Variants in ZNF385D observed in about 807,000 individuals in gnomAD.
ZNF385D encodes zinc finger protein 659.
In ZNF385D, 15 loss-of-function variants were observed where a neutral mutation model predicts 35.8. The ratio of observed to expected loss-of-function variants is 0.42; its 90% CI spans 0.28 to 0.64. The LOEUF is 0.64. Ranked by LOEUF, ZNF385D falls within the 30% of genes least tolerant of loss-of-function variation. The probability of loss-of-function intolerance (pLI) is 0.23; values close to 1 mark genes in which losing one functional copy is unlikely to be tolerated. For missense variants in ZNF385D, 474 were observed against 494.6 expected (o/e 0.96, Z 0.39); for synonymous variants, 212 against 186.8 (o/e 1.13, Z -1.10).
intron 2 of ZNF385D, among the ~76,000 whole-genome samples, chr3:22,336,917 A>AAAAAAAAAAAAAT (rs1695189299): frequency 7.3e-6 from 1 of 137,266 alleles, no homozygotes; most frequent in African/African-American, 2.9e-5. Flanking sequence ...TTCAAAAAAA[A>AAAAAAAAAAAAAT]AAAAAAAAAA....
intron 3 of ZNF385D, among the ~76,000 whole-genome samples, chr3:22,040,455 T>C (rs1698594538): frequency 6.6e-6 from 1 of 152,162 alleles, no homozygotes; most frequent in Non-Finnish European, 1.5e-5. Flanking sequence ...CCCAGCAATG[T>C]GACTCCAAAG....
intron 3 of ZNF385D, among the ~76,000 whole-genome samples, chr3:22,114,265 G>A (rs866803122): frequency 6.6e-6 from 1 of 151,938 alleles, no homozygotes; most frequent in Non-Finnish European, 1.5e-5. Flanking sequence ...TTATATTGGT[G>A]AAATATAAAT....
rs73820665 is a variant in ZNF385D at position 21,961,906 on chromosome 3, T to C, written c.325+206911A>G. Among the ~76,000 whole-genome samples the C allele has an allele frequency of 1.2e-3, 190 of 152,152 alleles. 1 individual carries two copies. The highest frequency in any genetic ancestry group is 4.2e-3 in the African/African-American group (173 of 41,522). Reference sequence around the variant, plus strand: ...ATGAGAAATTGAAAGAAAACTGTTATGACTAAAAGGAAAAGAATTAAGGAG... The same window carrying C: ...ATGAGAAATTGAAAGAAAACTGTTACGACTAAAAGGAAAAGAATTAAGGAG... On this transcript the variant is annotated intron_variant, in intron 3 of 5. Coordinates refer to the ZNF385D transcript ENST00000494108.
At chr3:21,811,256 T>C (rs1324334244) in intron 3 of ZNF385D, among the ~76,000 whole-genome samples, 1 of 152,102 alleles carries the variant, frequency 6.6e-6, no homozygotes, top group Non-Finnish European at 1.5e-5. Flanking sequence ...ATGAACACCC[T>C]GATCGCTCAA....
At chr3:21,726,293 C>T (rs541188750) in intron 1 of ZNF385D, among the ~76,000 whole-genome samples, 1 of 152,300 alleles carries the variant, frequency 6.6e-6, no homozygotes, top group South Asian at 2.1e-4. Context: ...TCTCTCACCA[C>T]TCCTATTCAA....
intron 4 of ZNF385D, among the ~76,000 whole-genome samples, chr3:21,452,314 T>C (rs752366327): frequency 4.6e-5 from 7 of 152,134 alleles, no homozygotes; most frequent in South Asian, 2.1e-4. Context: ...TTTTGCCCCA[T>C]GTAAAAACTA....
At chr3:21,732,962 C>T (rs2069085195) in intron 1 of ZNF385D, among the ~76,000 whole-genome samples, 1 of 152,138 alleles carries the variant, frequency 6.6e-6, no homozygotes, top group African/African-American at 2.4e-5. Flanking sequence ...AAGGTCATCA[C>T]CAAATCCAAG....
At chr3:21,589,719 CAT>C (rs2063913704) in intron 2 of ZNF385D, among the ~76,000 whole-genome samples, 1 of 151,526 alleles carries the variant, frequency 6.6e-6, no homozygotes, top group African/African-American at 2.4e-5. Context: ...GAAAAGAAAA[CAT>C]ACCAATAAAC....
intron 3 of ZNF385D, among the ~76,000 whole-genome samples, chr3:22,075,353 C>A (rs925705051): frequency 1.2e-4 from 18 of 152,030 alleles, no homozygotes; most frequent in Admixed American, 7.2e-4. Context: ...CCTCCCTCAT[C>A]CCAATTCATT....
intron 2 of ZNF385D, among the ~76,000 whole-genome samples, chr3:22,290,137 GA>G (rs1270881089): frequency 2.6e-5 from 4 of 152,114 alleles, no homozygotes; most frequent in Admixed American, 2.6e-4. Flanking sequence ...GGTGGATTAA[GA>G]GCCAAATTGT....
intron 4 of ZNF385D, among the ~76,000 whole-genome samples, chr3:21,456,513 A>T (rs1164892113): frequency 6.6e-6 from 1 of 152,124 alleles, no homozygotes; most frequent in Admixed American, 6.5e-5. Context: ...GCATGTTCTC[A>T]CTCATAGGTG....
chr3:21,860,840 T>G (rs1335255889), intron 3 of ZNF385D, among the ~76,000 whole-genome samples: 1 of 152,136 alleles, frequency 6.6e-6, no homozygotes, highest in Non-Finnish European at 1.5e-5. Flanking sequence ...CCAGAGTCTC[T>G]ACTTGGAGAT....
chr3:21,478,542 C>A lies in ZNF385D; in HGVS notation c.439+32319G>T, dbSNP rs577299337. 1.7e-4 allele frequency among the ~76,000 whole-genome samples: 26 copies of A among 152,202 alleles called. No individual in the cohort carries two copies. The South Asian group carries it at 4.6e-3, about 27-fold the overall frequency. On this transcript the variant is annotated intron_variant, in intron 4 of 7. Coordinates refer to ENST00000281523, the MANE Select transcript of ZNF385D (RefSeq NM_024697.3). ...GAGCAGAGCCACAGTGAAGAACAAA[C>A]CTTTGTTACTGTAAGCCACTGAGAT...
chr3:21,685,666 C>A (rs1575459861), intron 1 of ZNF385D, among the ~76,000 whole-genome samples: 1 of 152,114 alleles, frequency 6.6e-6, no homozygotes, highest in African/African-American at 2.4e-5. Context: ...AATAGCATGG[C>A]TCATAAAAAG....
rs139463018 is a variant in ZNF385D at position 21,644,440 on chromosome 3, G to C, written c.165+20446C>G. 4.7e-3 allele frequency among the ~76,000 whole-genome samples: 711 copies of C among 152,218 alleles called. 6 individuals carry two copies. Among genetic ancestry groups the C allele is most frequent in the African/African-American group, 0.015 (614 of 41,540 alleles). On this transcript the variant is annotated intron_variant, in intron 2 of 7. Coordinates refer to ENST00000281523, the MANE Select transcript of ZNF385D (RefSeq NM_024697.3). ...ACACAGTCACACTCACTCACACTGA[G>C]ACAAGGTAGGCATGCCAGTTAACCT...
At position 21,750,905 on chromosome 3, in the gene ZNF385D, T is replaced by G; in HGVS notation, c.12A>C (p.Ile4=). 1 of 1,614,116 alleles carries G rather than the reference T, an allele frequency of 6.2e-7. No individual in the cohort carries two copies. Among genetic ancestry groups the G allele is most frequent in the Non-Finnish European group, 8.5e-7 (1 of 1,180,010 alleles). The change falls in exon 1 of 8, where the codon ATA becomes ATC. Residue 4 remains isoleucine (I), a synonymous_variant. Coordinates refer to ENST00000281523, the MANE Select transcript of ZNF385D (RefSeq NM_024697.3). Reference sequence around the variant, plus strand: ...AGAGTGAACACTCACCAAAATACATTATGTTTCTCATTAATCAGACAGCTG... The same window carrying G: ...AGAGTGAACACTCACCAAAATACATGATGTTTCTCATTAATCAGACAGCTG... MRN[I]MYFGGTCQSP...
chr3:22,363,414 G>A (rs1186436492), intron 2 of ZNF385D, among the ~76,000 whole-genome samples: 2 of 152,094 alleles, frequency 1.3e-5, no homozygotes, highest in African/African-American at 4.8e-5. Flanking sequence ...CATCATTCTA[G>A]AAATTAAAAT....
chr3:21,716,309 C>T (rs2068316933), intron 1 of ZNF385D, among the ~76,000 whole-genome samples: 1 of 152,150 alleles, frequency 6.6e-6, no homozygotes, highest in South Asian at 2.1e-4. Flanking sequence ...CCAATACCTT[C>T]CATCTCACTC....
At chr3:22,345,946 C>A (rs947181227) in intron 2 of ZNF385D, among the ~76,000 whole-genome samples, 4 of 152,194 alleles carry the variant, frequency 2.6e-5, no homozygotes, top group Non-Finnish European at 5.9e-5. Context: ...TGAAAGCTGA[C>A]TGCATCACAG....
Sources: gnomAD v4.1 joint callset for allele counts (sites outside exome capture counted in the v4.1 genomes callset) on GRCh38, gnomAD v4.1.1 for gene constraint, MANE v1.5 for transcripts, NCBI Gene and HGNC (gene_info 2026-07-23, HGNC 2026-07-21) for gene names.